The following CMSS1 variants were observed in gnomAD, a reference collection of about 807,000 sequenced individuals.
The protein encoded by CMSS1 is protein CMSS1.
Under a neutral mutation model 43.5 loss-of-function variants are expected in CMSS1, and 33 were observed. That is an observed-to-expected ratio of 0.76 (90% CI 0.57 to 1.01). The LOEUF (loss-of-function observed/expected upper bound fraction) is 1.01, where lower values mean the gene tolerates loss of function less well. Ranked by LOEUF, CMSS1 falls within the 50% of genes least tolerant of loss-of-function variation. The probability of loss-of-function intolerance (pLI) is 0.00; values close to 1 mark genes in which losing one functional copy is unlikely to be tolerated. For synonymous variants in CMSS1, 115 were observed against 117.2 expected (o/e 0.98, Z 0.12); for missense variants, 313 against 326.4 (o/e 0.96, Z 0.32).
chr3:100,062,958 C>T (rs2065599499), intron 1 of CMSS1, among the ~76,000 whole-genome samples: 1 of 152,152 alleles, frequency 6.6e-6, no homozygotes, highest in Non-Finnish European at 1.5e-5. Flanking sequence ...TTTTGTTCAG[C>T]ACGAAAGGAG....
At chr3:100,007,426 A>T (rs528632165) in intron 1 of CMSS1, among the ~76,000 whole-genome samples, 39 of 152,210 alleles carry the variant, frequency 2.6e-4, no homozygotes, top group Non-Finnish European at 5.0e-4. Context: ...AATTTTGGAA[A>T]CCTTGCTTGT....
At chr3:99,955,817 C>G (rs1319193668) in intron 1 of CMSS1, among the ~76,000 whole-genome samples, 1 of 152,170 alleles carries the variant, frequency 6.6e-6, no homozygotes, top group African/African-American at 2.4e-5. Context: ...ATGGCCTGTT[C>G]TCCATTTTCA....
At position 99,996,410 on chromosome 3, in the gene CMSS1, C is replaced by T. The variant is rs531262762; in HGVS notation, c.65-150563C>T. ...CATTCAGCAAGTCTCTAGGAAGTTC[C>T]AACTTTCCCACATTTTCCTGTCTTC... On this transcript the variant is annotated intron_variant, in intron 1 of 9. Transcript: ENST00000421999. Among the ~76,000 whole-genome samples, 3 of 152,242 alleles carry T rather than the reference C, an allele frequency of 2.0e-5. No individual in the cohort carries two copies. The East Asian group carries it at 5.8e-4, about 29-fold the overall frequency.
At chr3:99,936,257 G>A (rs377684239) in intron 1 of CMSS1, among the ~76,000 whole-genome samples, 9 of 149,372 alleles carry the variant, frequency 6.0e-5, no homozygotes, top group East Asian at 2.1e-4. Flanking sequence ...GAAAATAATA[G>A]TAATAATGGT....
intron 1 of CMSS1, among the ~76,000 whole-genome samples, chr3:99,929,608 G>A (rs1707410561): frequency 6.6e-6 from 1 of 152,026 alleles, no homozygotes; most frequent in South Asian, 2.1e-4. Flanking sequence ...ACGTGAGAGT[G>A]GGGAGCATTC....
intron 1 of CMSS1, among the ~76,000 whole-genome samples, chr3:100,030,530 A>G (rs900978956): frequency 2.0e-5 from 3 of 152,328 alleles, no homozygotes; most frequent in East Asian, 1.9e-4. Flanking sequence ...GTCTTTTCTC[A>G]GAACCTGTTT....
chr3:100,021,732 G>A (rs535168908), intron 1 of CMSS1, among the ~76,000 whole-genome samples: 1 of 152,224 alleles, frequency 6.6e-6, no homozygotes, highest in South Asian at 2.1e-4. Flanking sequence ...GCTTTGTAAA[G>A]GGAACCTCCC....
rs561586054 is a variant in CMSS1, at chr3:99,918,892, A to G, written c.64+100849A>G. On this transcript the variant is annotated intron_variant, in intron 1 of 9. Coordinates refer to ENST00000421999, the MANE Select transcript of CMSS1 (RefSeq NM_032359.4). ...AAGGTCAAATGGAGATCTGGCATCCATTTCAATACTTGTAAGACATAGTCT... is the reference window on the plus strand; with the variant it reads ...AAGGTCAAATGGAGATCTGGCATCCGTTTCAATACTTGTAAGACATAGTCT... Among the ~76,000 whole-genome samples, 3 of 152,348 alleles carry G rather than the reference A, an allele frequency of 2.0e-5. No individual in the cohort carries two copies. The East Asian group carries it at 5.8e-4, about 29-fold the overall frequency.
At position 99,890,728 on chromosome 3, in the gene CMSS1, G is replaced by GT. The variant is rs375497653; in HGVS notation, c.64+72696dup. Among the ~76,000 whole-genome samples, 203 of 142,676 alleles carry GT rather than the reference G, an allele frequency of 1.4e-3. 1 individual carries two copies. The highest frequency in any genetic ancestry group is 2.4e-3 in the Admixed American group (35 of 14,392). 93.6% of individuals were successfully genotyped at this position (142,676 alleles called of 152,430 possible). A position where few individuals can be genotyped will look rare whatever the true frequency, so the allele number is the denominator to read the frequency against. On this transcript the variant is annotated intron_variant, in intron 1 of 9. Coordinates refer to ENST00000421999, the MANE Select transcript of CMSS1 (RefSeq NM_032359.4). ...TTTAAACTAGAAATACCAATCCGCT[G>GT]TTTTTTTTTTTCTGACATATTAAGT... is the stretch of plus-strand genomic sequence containing the variant.
At chr3:99,892,054 G>T (rs1706098645) in intron 1 of CMSS1, among the ~76,000 whole-genome samples, 1 of 152,218 alleles carries the variant, frequency 6.6e-6, no homozygotes, top group Non-Finnish European at 1.5e-5. Context: ...AGAGCCTGAT[G>T]TAAAGAGGGA....
chr3:100,143,022 G>A (rs937981405), intron 1 of CMSS1, among the ~76,000 whole-genome samples: 1 of 152,166 alleles, frequency 6.6e-6, no homozygotes, highest in Non-Finnish European at 1.5e-5. Flanking sequence ...TACCAACAGT[G>A]TAGAAAGAAG....
At chr3:100,109,176 T>G (rs1181165285) in intron 1 of CMSS1, among the ~76,000 whole-genome samples, 1 of 152,062 alleles carries the variant, frequency 6.6e-6, no homozygotes, top group East Asian at 1.9e-4. Context: ...ACTCTATTAA[T>G]CATTTTTTAA....
intron 1 of CMSS1, among the ~76,000 whole-genome samples, chr3:99,998,770 C>T (rs1382978487): frequency 6.6e-6 from 1 of 152,138 alleles, no homozygotes; most frequent in Non-Finnish European, 1.5e-5. Context: ...CGGGTTTCAC[C>T]GTATTAGCCA....
At chr3:99,894,194 TG>T (rs1327499250) in intron 1 of CMSS1, among the ~76,000 whole-genome samples, 3 of 152,234 alleles carry the variant, frequency 2.0e-5, no homozygotes, top group African/African-American at 7.2e-5. Flanking sequence ...GGAGATAGGA[TG>T]GTTAAAAACT....
At chr3:99,847,285 A>G (rs1025733614) in intron 1 of CMSS1, among the ~76,000 whole-genome samples, 12 of 151,868 alleles carry the variant, frequency 7.9e-5, no homozygotes, top group African/African-American at 2.9e-4. Context: ...GGTAGCACCT[A>G]CATTAAGTAA....
chr3:100,160,851 T>C (rs1559776307), intron 3 of CMSS1, among the ~76,000 whole-genome samples: 1 of 152,220 alleles, frequency 6.6e-6, no homozygotes, highest in Non-Finnish European at 1.5e-5. Context: ...AAAAGAAATA[T>C]ACCAACCTCC....
chr3:99,967,924 A>G (rs904273745), intron 1 of CMSS1, among the ~76,000 whole-genome samples: 1 of 152,224 alleles, frequency 6.6e-6, no homozygotes, highest in Non-Finnish European at 1.5e-5. Context: ...AGATAAGTGC[A>G]ACGGTATGTG....
At chr3:99,964,897 A>G (rs1014741130) in intron 1 of CMSS1, among the ~76,000 whole-genome samples, 6 of 152,200 alleles carry the variant, frequency 3.9e-5, no homozygotes, top group Admixed American at 2.0e-4. Context: ...CATCAGTCCC[A>G]TAGTGCACAG....
intron 4 of CMSS1, among the ~76,000 whole-genome samples, chr3:100,163,193 A>C (rs2067040005): frequency 6.6e-6 from 1 of 152,220 alleles, no homozygotes; most frequent in African/African-American, 2.4e-5. Flanking sequence ...GGAATTCATC[A>C]TGAGGATAGA....
Sources: allele counts gnomAD v4.1 joint callset (sites outside exome capture counted in the v4.1 genomes callset), GRCh38; gene constraint gnomAD v4.1.1; transcripts MANE v1.5; gene names NCBI Gene and HGNC (gene_info 2026-07-23, HGNC 2026-07-21).